Variants in MPG observed in about 807,000 individuals in gnomAD.
MPG encodes the protein N-methylpurine DNA glycosylase.
MPG carries 33 observed loss-of-function variants against 31.7 expected under a neutral mutation model. The ratio of observed to expected loss-of-function variants is 1.04; its 90% CI spans 0.79 to 1.39. The LOEUF (loss-of-function observed/expected upper bound fraction) is 1.39. Among genes scored for constraint, MPG ranks in the 40% most tolerant of loss-of-function variants. The pLI is 0.00. For missense variants in MPG, 455 were observed against 415.5 expected (o/e 1.10, Z -0.83); for synonymous variants, 202 against 169.2 (o/e 1.19, Z -1.51).
intron 2 of MPG, 94 bp downstream of exon 2, chr16:79,794 G>C (rs746733492): frequency 2.0e-5 from 28 of 1,383,790 alleles, no homozygotes; most frequent in Non-Finnish European, 2.7e-5. Flanking sequence ...TTGGCCCTCA[G>C]TTAGTCCTCC....
chr16:82,708 G>C (rs373936256), intron 2 of MPG, among the ~76,000 whole-genome samples: 46 of 152,334 alleles, frequency 3.0e-4, no homozygotes, highest in African/African-American at 1.1e-3. Context: ...GGGCACTTGG[G>C]AAAGGAGGAA....
chr16:78,475 G>A, intron 1 of MPG, 142 bp downstream of exon 1: 1 of 732,660 alleles, frequency 1.4e-6, no homozygotes, highest in Non-Finnish European at 1.8e-6. Flanking sequence ...CAGAGCATAG[G>A]CCAAGGGCCA....
chr16:78,199 C>T, upstream of MPG: 1 of 1,058,594 alleles, frequency 9.4e-7, no homozygotes, highest in Non-Finnish European at 1.2e-6. Flanking sequence ...CTTCCGTCCC[C>T]TTCTGCGCAG....
chr16:77,940 T>G (rs900228852), upstream of MPG: 3 of 172,302 alleles, frequency 1.7e-5, no homozygotes, highest in East Asian at 1.5e-4. Context: ...GAGTGGGCTC[T>G]GGGGCCGCCA....
chr16:83,230 A>G lies in MPG; in HGVS notation c.479A>G (p.Tyr160Cys), dbSNP rs1431098814. Residue 160 changes from tyrosine to cysteine, a missense_variant, in exon 3 of 4, where the codon TAC (tyrosine) becomes TGC (cysteine). Physicochemically the swap from Tyr to Cys is radical, Grantham distance 194. Coordinates refer to ENST00000356432, the MANE Select transcript of MPG (RefSeq NM_001015052.3). Reference protein sequence around the residue: ...TLYVYIIYGMYFCMNISSQGD... With the variant: ...TLYVYIIYGMCFCMNISSQGD... Reference sequence around the variant, plus strand: ...TACGTGTACATCATTTACGGCATGTACTTCTGCATGAACATCTCCAGCCAG... The same window carrying G: ...TACGTGTACATCATTTACGGCATGTGCTTCTGCATGAACATCTCCAGCCAG... 1 of 1,612,466 alleles carries G rather than the reference A, an allele frequency of 6.2e-7. No individual in the cohort carries two copies. The highest frequency in any genetic ancestry group is 8.5e-7 in the Non-Finnish European group (1 of 1,179,652).
chr16:78,971 C>T lies in MPG; in HGVS notation c.25-454C>T, dbSNP rs3176376. Among the ~76,000 whole-genome samples, 10 of 150,088 alleles carry T rather than the reference C, an allele frequency of 6.7e-5. No homozygotes were observed. In the East Asian group the frequency reaches 1.7e-3, roughly 26 times the overall value. On this transcript the variant is annotated intron_variant, in intron 1 of 3. Transcript: ENST00000356432. ...CGGTGCTCACCCCTCCCTGTGTGTCCGACCTTGGCCCTGCTAAGATCCTGT... is the reference window on the plus strand; with the variant it reads ...CGGTGCTCACCCCTCCCTGTGTGTCTGACCTTGGCCCTGCTAAGATCCTGT...
At chr16:78,459 C>G in intron 1 of MPG, 126 bp downstream of exon 1, 1 of 860,562 alleles carries the variant, frequency 1.2e-6, no homozygotes, top group South Asian at 5.6e-5. Context: ...GGGTTCGGGG[C>G]AGAGCCAGAG....
intron 3 of MPG, chr16:83,523 C>T (rs901869989): frequency 6.6e-5 from 27 of 406,038 alleles, no homozygotes; most frequent in Non-Finnish European, 1.0e-4. Flanking sequence ...GGCGGATCAC[C>T]TGAGGTCAGG....
At position 79,574 on chromosome 16, in the gene MPG, A is replaced by T; in HGVS notation, c.174A>T (p.Gly58=). The T allele has an allele frequency of 6.2e-7, 1 of 1,611,340 alleles. No homozygotes were observed. Among genetic ancestry groups the T allele is most frequent in the Non-Finnish European group, 8.5e-7 (1 of 1,179,306 alleles). Residue 58 remains glycine (G), a synonymous_variant, in exon 2 of 4, where the codon GGA becomes GGT. Transcript: ENST00000356432. The part of the protein sequence containing the change: ...QAPCPRERCL[G]PPTTPGPYRS... ...CTTGCCCCAGGGAGCGCTGCTTGGGACCGCCCACCACTCCGGGCCCATACC... is the reference window on the plus strand; with the variant it reads ...CTTGCCCCAGGGAGCGCTGCTTGGGTCCGCCCACCACTCCGGGCCCATACC...
At chr16:78,141 C>T (rs969112694), upstream of MPG, 1 of 449,234 alleles carries the variant, frequency 2.2e-6, no homozygotes, top group Non-Finnish European at 3.5e-6. Context: ...CCCGCCCCGC[C>T]CCGGGGGCGC....
At chr16:78,776 G>A (rs1898159604) in intron 1 of MPG, among the ~76,000 whole-genome samples, 1 of 152,234 alleles carries the variant, frequency 6.6e-6, no homozygotes, top group Non-Finnish European at 1.5e-5. Context: ...TGTGTGGTTA[G>A]GTTCCCCCTA....
intron 2 of MPG, among the ~76,000 whole-genome samples, chr16:81,071 G>T (rs1052946469): frequency 1.3e-5 from 2 of 152,156 alleles, no homozygotes; most frequent in Non-Finnish European, 2.9e-5. Flanking sequence ...ACCTCCTAGT[G>T]GATGCCCTTG....
At chr16:83,599 G>C (rs1398501404) in intron 3 of MPG, among the ~76,000 whole-genome samples, 1 of 152,182 alleles carries the variant, frequency 6.6e-6, no homozygotes, top group African/African-American at 2.4e-5. Context: ...AAATTAGCTG[G>C]GTGTGGTAGT....
chr16:83,665 C>T (rs547462813), intron 3 of MPG, among the ~76,000 whole-genome samples: 1 of 150,394 alleles, frequency 6.6e-6, no homozygotes, highest in African/African-American at 2.4e-5. Context: ...CGCTTGAACC[C>T]GGGAGGCGGA....
intron 1 of MPG, 72 bp downstream of exon 1, chr16:78,405 G>A (rs1898149706): frequency 1.7e-6 from 2 of 1,144,154 alleles, no homozygotes; most frequent in Non-Finnish European, 2.2e-6. Context: ...GCGCGGCCGC[G>A]GGAGCGGGAG....
intron 1 of MPG, among the ~76,000 whole-genome samples, chr16:78,719 C>T (rs537831136): frequency 2.6e-4 from 39 of 152,356 alleles, no homozygotes; most frequent in African/African-American, 9.4e-4. Flanking sequence ...CGGCGCTCAC[C>T]CGCCACCTTC....
chr16:82,439 C>T (rs1313427692), intron 2 of MPG, among the ~76,000 whole-genome samples: 1 of 152,202 alleles, frequency 6.6e-6, no homozygotes, highest in Non-Finnish European at 1.5e-5. Context: ...AACTCTGGGG[C>T]TCCGAGCAGT....
chr16:77,992 G>T, upstream of MPG: 1 of 238,480 alleles, frequency 4.2e-6, no homozygotes, highest in Non-Finnish European at 8.1e-6. Context: ...TCATTGGGAG[G>T]GGCGCCGGGG....
At chr16:83,317 A>G (rs1189258576) in intron 3 of MPG, 61 bp downstream of exon 3, 1 of 1,512,546 alleles carries the variant, frequency 6.6e-7, no homozygotes, top group Non-Finnish European at 9.1e-7. Flanking sequence ...GCTAGCAGCC[A>G]GGGGACCACT....
Sources: gnomAD v4.1 joint callset for allele counts (sites outside exome capture counted in the v4.1 genomes callset) on GRCh38, gnomAD v4.1.1 for gene constraint, MANE v1.5 for transcripts, NCBI Gene and HGNC (gene_info 2026-07-23, HGNC 2026-07-21) for gene names.